Variants in JAK1 observed in about 807,000 individuals in gnomAD.
The protein encoded by JAK1 is tyrosine-protein kinase JAK1.
Under a neutral mutation model 136.6 loss-of-function variants are expected in JAK1, and 16 were observed. The observed-to-expected ratio is 0.12, with a 90% CI of 0.08 to 0.18. The LOEUF (loss-of-function observed/expected upper bound fraction) is 0.18. JAK1 is among the 10% of genes least tolerant of loss of function. The pLI, the probability that JAK1 is intolerant of heterozygous loss-of-function variation, is 1.00. For missense variants in JAK1, 859 were observed against 1,450.1 expected (o/e 0.59, Z 6.62); for synonymous variants, 492 against 519.5 (o/e 0.95, Z 0.72).
At chr1:64,893,510 A>C (rs1448836028) in intron 1 of JAK1, among the ~76,000 whole-genome samples, 1 of 152,226 alleles carries the variant, frequency 6.6e-6, no homozygotes, top group African/African-American at 2.4e-5. Context: ...ACTGTCTGAG[A>C]CCTTAGGCCA....
chr1:64,844,109 G>A lies in JAK1; in HGVS notation c.2358C>T (p.Ile786=). 6.2e-7 allele frequency: 1 copy of A among 1,614,200 alleles called. No individual in the cohort carries two copies. Among genetic ancestry groups the A allele is most frequent in the South Asian group, 1.1e-5 (1 of 91,084 alleles). The change falls in exon 17 of 25, where the codon ATC becomes ATT. Residue 786 remains isoleucine (I), a synonymous_variant. Coordinates refer to ENST00000342505, the MANE Select transcript of JAK1 (RefSeq NM_002227.4). This position sits in a 1 kb window ranked among gnomAD's most constrained non-coding sequence, Gnocchi z 5.7. ...TCAAGGGGATCTCGCCATTGTAGCA[G>A]ATTTCCCAGAGCGTGGTTCCAAAGC... ...KWSFGTTLWE[I]CYNGEIPLKD...
At chr1:64,837,626 A>C (rs1045920846) in intron 22 of JAK1, among the ~76,000 whole-genome samples, 3 of 152,188 alleles carry the variant, frequency 2.0e-5, no homozygotes, top group Non-Finnish European at 4.4e-5. Flanking sequence ...CAGTTTTAAG[A>C]ACTGCATCAG....
At chr1:65,039,482 A>G (rs777065617) in intron 2 of JAK1, among the ~76,000 whole-genome samples, 8 of 152,192 alleles carry the variant, frequency 5.3e-5, no homozygotes, top group Non-Finnish European at 1.2e-4. Flanking sequence ...CAGTTTACAG[A>G]TAAGTAAACT....
chr1:64,886,340 C>T lies in JAK1; in HGVS notation c.-76G>A, dbSNP rs991262307. 17 of 1,510,738 alleles carry T rather than the reference C, an allele frequency of 1.1e-5. No individual in the cohort carries two copies. The South Asian group carries it at 1.6e-4, about 14-fold the overall frequency. The allele number at this position is 1,510,738 out of a possible 1,614,324, so 93.6% of individuals were successfully genotyped here. On this transcript the variant is annotated splice_region_variant and 5_prime_UTR_variant, in exon 2 of 25. Coordinates refer to ENST00000342505, the MANE Select transcript of JAK1 (RefSeq NM_002227.4). ...ACTTTCCAAAGCTACTTCAGAGAAGCGCTAAAGACAAAAATAAATAAATAA... is the reference window on the plus strand; with the variant it reads ...ACTTTCCAAAGCTACTTCAGAGAAGTGCTAAAGACAAAAATAAATAAATAA...
intron 2 of JAK1, chr1:64,986,037 A>T: frequency 7.6e-7 from 1 of 1,319,596 alleles, no homozygotes; most frequent in African/African-American, 1.5e-5. Context: ...GAAAGAGCCG[A>T]TTGTAGCAAT....
At chr1:64,855,746 A>C (rs1207730010) in intron 10 of JAK1, 48 bp from the exon 11 acceptor site, 20 of 1,533,242 alleles carry the variant, frequency 1.3e-5, no homozygotes, top group Non-Finnish European at 1.7e-5. Flanking sequence ...GGGGTCAGGC[A>C]TGGGTATGTA....
intron 2 of JAK1, among the ~76,000 whole-genome samples, chr1:65,001,643 T>C (rs554396642): frequency 7.0e-6 from 1 of 143,020 alleles, no homozygotes; most frequent in South Asian, 2.4e-4. Context: ...AATGTGTGTG[T>C]TGTATGTGTG....
chr1:64,930,840 C>A (rs903065536), intron 1 of JAK1, among the ~76,000 whole-genome samples: 2 of 152,188 alleles, frequency 1.3e-5, no homozygotes, highest in African/African-American at 4.8e-5. Flanking sequence ...GAGTTCATGT[C>A]TTTTGCAGGG....
intron 2 of JAK1, among the ~76,000 whole-genome samples, chr1:65,021,671 G>A (rs1265289250): frequency 1.3e-5 from 2 of 152,152 alleles, no homozygotes; most frequent in African/African-American, 4.8e-5. Flanking sequence ...CCGCTAGGTA[G>A]CAGCAATCTA....
intron 2 of JAK1, among the ~76,000 whole-genome samples, chr1:64,988,718 A>G (rs1035937529): frequency 6.6e-6 from 1 of 150,638 alleles, no homozygotes; most frequent in Admixed American, 6.7e-5. Flanking sequence ...CCCTGCCTCT[A>G]TAAAAAATAA....
chr1:65,010,166 T>C (rs758481101), intron 2 of JAK1, among the ~76,000 whole-genome samples: 4 of 152,172 alleles, frequency 2.6e-5, no homozygotes, highest in Non-Finnish European at 5.9e-5. Context: ...TGCCCTCCCC[T>C]TGGGTATGGA....
chr1:64,988,938 A>C (rs985711807), intron 2 of JAK1, among the ~76,000 whole-genome samples: 1 of 144,840 alleles, frequency 6.9e-6, no homozygotes, highest in Admixed American at 7.0e-5. Context: ...GTGTATATAT[A>C]TATGTATGTG....
chr1:64,929,720 T>C lies in JAK1; in HGVS notation c.-78+36613A>G, dbSNP rs17127161. On this transcript the variant is annotated intron_variant, in intron 1 of 24. Coordinates refer to ENST00000342505, the MANE Select transcript of JAK1 (RefSeq NM_002227.4). ...TATGATACCTACAAGTCTGAACTTA[T>C]AAGATTAATCTCTTGCAAAAAGAAC... 9.1e-3 allele frequency among the ~76,000 whole-genome samples: 1,382 copies of C among 152,262 alleles called. 22 individuals carry two copies. The highest frequency in any genetic ancestry group is 0.031 in the African/African-American group (1,302 of 41,560).
At chr1:64,857,608 G>C in intron 10 of JAK1, 48 bp downstream of exon 10, 1 of 1,610,026 alleles carries the variant, frequency 6.2e-7, no homozygotes, top group South Asian at 1.1e-5. Flanking sequence ...GGCTACACTG[G>C]ACACCTCATG....
At chr1:64,879,943 T>C (rs1570694994) in intron 3 of JAK1, among the ~76,000 whole-genome samples, 2 of 151,998 alleles carry the variant, frequency 1.3e-5, no homozygotes, top group Admixed American at 6.6e-5. Flanking sequence ...CATAGGCAGG[T>C]TGGGGGGAGA....
intron 22 of JAK1, among the ~76,000 whole-genome samples, chr1:64,837,543 GCCCACTCTGTC>G (rs2100941387): frequency 1.3e-5 from 2 of 152,286 alleles, no homozygotes; most frequent in East Asian, 3.9e-4. Context: ...AATCTGCAAT[GCCCACTCTGTC>G]CTACAGCCTC....
intron 1 of JAK1, among the ~76,000 whole-genome samples, chr1:64,911,494 AT>A (rs1181324803): frequency 6.6e-6 from 1 of 152,160 alleles, no homozygotes; most frequent in Non-Finnish European, 1.5e-5. Context: ...GGCCAATAAC[AT>A]TGTCTCCGTT....
chr1:65,025,164 G>T (rs1646968104), intron 2 of JAK1, among the ~76,000 whole-genome samples: 2 of 152,112 alleles, frequency 1.3e-5, no homozygotes, highest in African/African-American at 4.8e-5. Flanking sequence ...AGAAGCACTG[G>T]CAAAAAGACT....
At chr1:65,036,737 C>G (rs1375111596) in intron 2 of JAK1, among the ~76,000 whole-genome samples, 1 of 152,142 alleles carries the variant, frequency 6.6e-6, no homozygotes, top group Non-Finnish European at 1.5e-5. Context: ...AATAATGAAA[C>G]TTTGGAAAGA....
Sources: allele counts gnomAD v4.1 joint callset (sites outside exome capture counted in the v4.1 genomes callset), GRCh38; gene constraint gnomAD v4.1.1; non-coding constraint Gnocchi (gnomAD v3.1); transcripts MANE v1.5; gene names NCBI Gene and HGNC (gene_info 2026-07-23, HGNC 2026-07-21).